The following MCPH1 variants were observed in gnomAD, a reference collection of about 807,000 sequenced individuals.
MCPH1 encodes the protein microcephalin 1, also known as microcephalin.
MCPH1 carries 104 observed loss-of-function variants against 84.5 expected under a neutral mutation model. The ratio of observed to expected loss-of-function variants is 1.23; its 90% CI spans 1.05 to 1.45. MCPH1 has a LOEUF of 1.45. Ranked by LOEUF, MCPH1 falls within the 40% of genes most tolerant of loss-of-function variation. MCPH1 has a pLI of 0.00. For missense variants in MCPH1, 1,498 were observed against 1,005.7 expected (o/e 1.49, Z -6.62); for synonymous variants, 514 against 366.8 (o/e 1.40, Z -4.58).
chr8:6,453,885 G>A (rs910664711), intron 8 of MCPH1, among the ~76,000 whole-genome samples: 1 of 152,126 alleles, frequency 6.6e-6, no homozygotes, highest in Non-Finnish European at 1.5e-5. Context: ...AGGGATTATG[G>A]CAAAGAGTGT....
chr8:6,490,523 G>T (rs1332114482), intron 11 of MCPH1, among the ~76,000 whole-genome samples: 1 of 152,072 alleles, frequency 6.6e-6, no homozygotes, highest in African/African-American at 2.4e-5. Context: ...CGGTTTTAGG[G>T]ACAATGTTAG....
intron 3 of MCPH1, among the ~76,000 whole-genome samples, chr8:6,426,841 C>T (rs983593087): frequency 2.0e-5 from 3 of 151,764 alleles, no homozygotes; most frequent in Non-Finnish European, 4.4e-5. Flanking sequence ...TTTTTCCCAA[C>T]ATTGTTTTAA....
intron 9 of MCPH1, among the ~76,000 whole-genome samples, chr8:6,466,642 G>T (rs185911704): frequency 6.6e-6 from 1 of 151,680 alleles, no homozygotes; most frequent in Admixed American, 6.6e-5. Flanking sequence ...GGGTTTCACC[G>T]TGTTGGCCAG....
At chr8:6,437,392 A>C (rs569991250) in intron 5 of MCPH1, among the ~76,000 whole-genome samples, 13 of 151,512 alleles carry the variant, frequency 8.6e-5, no homozygotes, top group Non-Finnish European at 1.8e-4. Context: ...CACCACGCCC[A>C]GCTGATTTTT....
chr8:6,417,820 T>C (rs1244640675), intron 3 of MCPH1, among the ~76,000 whole-genome samples: 2 of 152,234 alleles, frequency 1.3e-5, no homozygotes, highest in African/African-American at 4.8e-5. Flanking sequence ...TTTTCTTTGA[T>C]AGTGTGTCAC....
rs148499617 is a variant in MCPH1 at position 6,577,587 on chromosome 8, A to G, written c.2215-43867A>G. Among the ~76,000 whole-genome samples the G allele has an allele frequency of 9.8e-3, 1,487 of 152,374 alleles. 27 individuals are homozygous for G. The highest frequency in any genetic ancestry group is 0.032 in the African/African-American group (1,344 of 41,592). On this transcript the variant is annotated intron_variant, in intron 12 of 13. Coordinates refer to ENST00000344683, the MANE Select transcript of MCPH1 (RefSeq NM_024596.5). Reference sequence around the variant, plus strand: ...TCCTTTGGACAGCTACTGTAAGCCAAAGGGCTTGCATTTGAATATCTTGCA... The same window carrying G: ...TCCTTTGGACAGCTACTGTAAGCCAGAGGGCTTGCATTTGAATATCTTGCA...
intron 12 of MCPH1, among the ~76,000 whole-genome samples, chr8:6,573,472 T>G (rs779092406): frequency 6.6e-6 from 1 of 152,080 alleles, no homozygotes; most frequent in African/African-American, 2.4e-5. Flanking sequence ...AATGCTAAAA[T>G]AAAATAACTT....
chr8:6,561,542 T>C (rs1040477976), intron 12 of MCPH1, among the ~76,000 whole-genome samples: 4 of 152,194 alleles, frequency 2.6e-5, no homozygotes, highest in Non-Finnish European at 4.4e-5. Flanking sequence ...GAGAAAATAA[T>C]TGTGCTTTTT....
At chr8:6,500,290 C>A (rs1013501352) in intron 12 of MCPH1, 2 of 211,390 alleles carry the variant, frequency 9.5e-6, no homozygotes, top group Admixed American at 1.1e-4. Flanking sequence ...AAGATTATGG[C>A]TTGCTGGTGC....
intron 12 of MCPH1, among the ~76,000 whole-genome samples, chr8:6,541,025 G>T: frequency 7.8e-6 from 1 of 127,758 alleles, no homozygotes; most frequent in African/African-American, 2.6e-5. Context: ...CTGTGCTTGC[G>T]AGAGTGCCGA....
At chr8:6,527,879 ACT>A (rs1818644179) in intron 12 of MCPH1, among the ~76,000 whole-genome samples, 1 of 138,388 alleles carries the variant, frequency 7.2e-6, no homozygotes, top group Non-Finnish European at 1.6e-5. Context: ...AAACCTTTTT[ACT>A]CTTTTCCCCA....
chr8:6,600,134 G>A lies in MCPH1; in HGVS notation c.2215-21320G>A, dbSNP rs148761901. 4.8e-3 allele frequency among the ~76,000 whole-genome samples: 724 copies of A among 152,356 alleles called. 11 individuals are homozygous for A. The highest frequency in any genetic ancestry group is 0.017 in the African/African-American group (699 of 41,592). On this transcript the variant is annotated intron_variant, in intron 12 of 13. Transcript: ENST00000344683. ...TTGCTGGAGACACAGAAATCTTCAG[G>A]TTGGAATTTCTTGTCCTTTTCCAAA...
At chr8:6,642,811 T>G (rs1211274944) in intron 13 of MCPH1, 183 bp from the exon 14 acceptor site, 2 of 662,370 alleles carry the variant, frequency 3.0e-6, no homozygotes, top group African/African-American at 1.8e-5. Context: ...TTCATTGTAT[T>G]GAATTTCGTT....
intron 12 of MCPH1, among the ~76,000 whole-genome samples, chr8:6,591,738 G>A (rs764248951): frequency 6.6e-6 from 1 of 152,188 alleles, no homozygotes; most frequent in Admixed American, 6.5e-5. Context: ...CTCCTGCACT[G>A]CATTTGGATA....
chr8:6,601,956 G>A (rs1311489366), intron 12 of MCPH1, among the ~76,000 whole-genome samples: 1 of 152,220 alleles, frequency 6.6e-6, no homozygotes, highest in African/African-American at 2.4e-5. Flanking sequence ...GGTAATCAGT[G>A]TACCATAGTA....
At chr8:6,562,659 C>T in intron 12 of MCPH1, 4 of 1,531,100 alleles carry the variant, frequency 2.6e-6, no homozygotes, top group African/African-American at 1.4e-5. Flanking sequence ...TCATTAGCCA[C>T]TGAGTGTTGT....
At chr8:6,506,448 C>A (rs774066467) in intron 12 of MCPH1, among the ~76,000 whole-genome samples, 1 of 152,072 alleles carries the variant, frequency 6.6e-6, no homozygotes, top group Non-Finnish European at 1.5e-5. Flanking sequence ...TATATTGTTT[C>A]CTTGGTTATT....
At chr8:6,610,208 G>C (rs1271156422) in intron 12 of MCPH1, among the ~76,000 whole-genome samples, 2 of 152,140 alleles carry the variant, frequency 1.3e-5, no homozygotes, top group Non-Finnish European at 2.9e-5. Flanking sequence ...AGATGTGTGG[G>C]GCTGGGTTGC....
intron 9 of MCPH1, among the ~76,000 whole-genome samples, chr8:6,476,816 G>C (rs1006438135): frequency 7.2e-5 from 11 of 152,238 alleles, no homozygotes; most frequent in African/African-American, 2.6e-4. Flanking sequence ...AATTACAAAA[G>C]TATATGAATA....
Sources: gnomAD v4.1 joint callset for allele counts (sites outside exome capture counted in the v4.1 genomes callset) on GRCh38, gnomAD v4.1.1 for gene constraint, MANE v1.5 for transcripts, NCBI Gene and HGNC (gene_info 2026-07-23, HGNC 2026-07-21) for gene names.